PPP2R1B: variants seen among roughly 807,000 people sequenced by gnomAD.
The protein encoded by PPP2R1B is serine/threonine-protein phosphatase 2A 65 kDa regulatory subunit A beta isoform.
A neutral mutation model predicts 72.7 loss-of-function variants in PPP2R1B; 58 were observed. The ratio of observed to expected loss-of-function variants is 0.80; its 90% CI spans 0.65 to 0.99. PPP2R1B has a LOEUF of 0.99. PPP2R1B is among the 50% of genes least tolerant of loss of function. The pLI is 0.00. For synonymous variants in PPP2R1B, 256 were observed against 264.6 expected, an observed-to-expected ratio of 0.97 and a Z score of 0.32; for missense variants, 695 against 733.6, an observed-to-expected ratio of 0.95 and a Z score of 0.61.
chr11:111,721,465 A>C, the PPP2R1B span, among the ~76,000 whole-genome samples: 31 of 152,230 alleles, frequency 2.0e-4, no homozygotes, highest in African/African-American at 7.5e-4. Flanking sequence ...TAAATACTAC[A>C]AGTGGATTAT....
chr11:111,761,145 T>C, intron 3 of PPP2R1B, 94 bp from the exon 4 acceptor site: 7 of 1,041,496 alleles, frequency 6.7e-6, no homozygotes, highest in Non-Finnish European at 1.0e-5. Context: ...AGGGAGGTGG[T>C]ACACGTAACC....
Position 111,743,810 on chromosome 11 carries a change from CT to C in PPP2R1B, c.1400-281del, listed in dbSNP as rs550066795. On this transcript the variant is annotated intron_variant, in intron 11 of 14. Transcript: ENST00000527614. Reference sequence around the variant, plus strand: ...TGCTACAAAAAGAACACAGAAGATACTTTCCCTCACAAGAAATATGCTCTTA... The same window carrying C: ...TGCTACAAAAAGAACACAGAAGATACTTCCCTCACAAGAAATATGCTCTTA... 7.9e-5 allele frequency among the ~76,000 whole-genome samples: 12 copies of C among 152,346 alleles called. No individual in the cohort carries two copies. In the South Asian group the frequency reaches 2.3e-3, roughly 29 times the overall value.
At chr11:111,724,452 A>G (rs1268773786), downstream of PPP2R1B, 1 of 330,136 alleles carries the variant, frequency 3.0e-6, no homozygotes. Context: ...GTTATGCAGG[A>G]TTACATCCGT....
At chr11:111,765,834 G>A (rs565685686) in intron 1 of PPP2R1B, 3 of 476,248 alleles carry the variant, frequency 6.3e-6, no homozygotes, top group African/African-American at 3.9e-5. Flanking sequence ...GAGATGAAGG[G>A]ATCCAGGGGC....
intron 5 of PPP2R1B, among the ~76,000 whole-genome samples, 199 bp downstream of exon 5, chr11:111,759,605 G>T (rs919172566): frequency 6.6e-6 from 1 of 152,148 alleles, no homozygotes; most frequent in Non-Finnish European, 1.5e-5. Flanking sequence ...AGCTGCTAAT[G>T]TAAGAGAGAA....
At chr11:111,755,889 G>A (rs1464266347) in intron 5 of PPP2R1B, among the ~76,000 whole-genome samples, 11 of 152,122 alleles carry the variant, frequency 7.2e-5, no homozygotes, top group Admixed American at 5.9e-4. Context: ...GAGCCACTGC[G>A]CCTGGCCGTG....
chr11:111,739,943 C>T lies in PPP2R1B; in HGVS notation c.*1653G>A. The stretch of plus-strand genomic sequence containing the variant: ...ATGCAGACAGATAACCTCTGATTTA[C>T]AATTTCTATTTTTCGAATGTAGGAC... On this transcript the variant is annotated 3_prime_UTR_variant, in exon 15 of 15. Transcript: ENST00000527614. 1 of 979,698 alleles carries T rather than the reference C, an allele frequency of 1.0e-6. No individual in the cohort carries two copies. The highest frequency in any genetic ancestry group is 1.2e-6 in the Non-Finnish European group (1 of 824,752). 60.7% of individuals were successfully genotyped at this position (979,698 alleles called of 1,614,324 possible).
At chr11:111,688,251 A>G in the PPP2R1B span, 6 of 1,331,020 alleles carry the variant, frequency 4.5e-6, no homozygotes, top group South Asian at 3.8e-5. This position sits in a 1 kb window ranked among gnomAD's most constrained non-coding sequence, Gnocchi z 4.2. Context: ...CAGATTCAGC[A>G]GCATTTCTAC....
chr11:111,725,610 T>G (rs750305256), downstream of PPP2R1B: 3 of 152,690 alleles, frequency 2.0e-5, no homozygotes, highest in Non-Finnish European at 2.9e-5. Context: ...AGCAGATGAA[T>G]GTGTTAAGCA....
chr11:111,721,859 C>T, the PPP2R1B span: 1 of 1,612,116 alleles, frequency 6.2e-7, no homozygotes, highest in African/African-American at 1.3e-5. Context: ...AGGAAAGCGT[C>T]TCCACTCTCC....
At chr11:111,756,606 A>C (rs906996420) in intron 5 of PPP2R1B, among the ~76,000 whole-genome samples, 4 of 152,212 alleles carry the variant, frequency 2.6e-5, no homozygotes, top group Admixed American at 2.6e-4. Flanking sequence ...CTTGGAAAGA[A>C]ATACACAGAA....
Position 111,742,224 on chromosome 11 carries a change from A to G in PPP2R1B, c.1698-80T>C, listed in dbSNP as rs1054716151. 1.8e-5 allele frequency: 19 copies of G among 1,071,688 alleles called. No individual in the cohort carries two copies. The African/African-American group carries it at 3.1e-4, about 17-fold the overall frequency. The allele number at this position is 1,071,688 out of a possible 1,614,324, so 66.4% of individuals were successfully genotyped here. ...TTTTTGGTGTATATGGTTAATGGTA[A>G]TTGTTAAAATTTAAAGTAAAAAAAT... On this transcript the variant is annotated intron_variant, in intron 13 of 14. Coordinates refer to ENST00000527614, the MANE Select transcript of PPP2R1B (RefSeq NM_002716.5).
chr11:111,704,707 A>C, the PPP2R1B span, among the ~76,000 whole-genome samples: 1 of 152,186 alleles, frequency 6.6e-6, no homozygotes, highest in African/African-American at 2.4e-5. Context: ...TGAGACAATG[A>C]TGGCATTTTC....
chr11:111,748,249 G>C (rs1310252354), intron 10 of PPP2R1B, among the ~76,000 whole-genome samples: 1 of 152,200 alleles, frequency 6.6e-6, no homozygotes, highest in Non-Finnish European at 1.5e-5. Context: ...AGGTAAAAGA[G>C]AACAGGGTGG....
chr11:111,737,717 C>A, downstream of PPP2R1B: 4 of 1,432,582 alleles, frequency 2.8e-6, no homozygotes, highest in Non-Finnish European at 3.7e-6. Flanking sequence ...GGGCACTGGG[C>A]AGAGAAAGCT....
rs1555053139 is a variant in PPP2R1B, at chr11:111,766,287, G to A, written c.75C>T (p.Ile25=). The change falls in exon 1 of 15, where the codon ATC becomes ATT. Residue 25 remains isoleucine, a synonymous_variant. Coordinates refer to ENST00000527614, the MANE Select transcript of PPP2R1B (RefSeq NM_002716.5). ...TGCGGAGCTCGTCGATTAAAACCGC[G>A]ATCGGGTATAGCGAATCATCTCCAT... ...GGDGDDSLYP[I]AVLIDELRNE... 4 of 1,602,244 alleles carry A rather than the reference G, an allele frequency of 2.5e-6. No individual in the cohort carries two copies. Among genetic ancestry groups the A allele is most frequent in the Non-Finnish European group, 3.4e-6 (4 of 1,175,166 alleles).
the PPP2R1B span, among the ~76,000 whole-genome samples, chr11:111,691,100 G>T: frequency 6.6e-6 from 1 of 152,156 alleles, no homozygotes; most frequent in Non-Finnish European, 1.5e-5. Context: ...ACCAAGTTTT[G>T]CCTGGCTATA....
chr11:111,688,668 G>A, the PPP2R1B span, among the ~76,000 whole-genome samples: 4 of 152,190 alleles, frequency 2.6e-5, no homozygotes, highest in Non-Finnish European at 1.5e-5. This position sits in a 1 kb window ranked among gnomAD's most constrained non-coding sequence, Gnocchi z 4.2. Flanking sequence ...GTTGGGTAGA[G>A]ATTAGTTTGC....
At chr11:111,717,615 T>G in the PPP2R1B span, among the ~76,000 whole-genome samples, 1 of 152,118 alleles carries the variant, frequency 6.6e-6, no homozygotes, top group Non-Finnish European at 1.5e-5. Flanking sequence ...GGAATGTAAA[T>G]CATTCTATTA....
Sources: gnomAD v4.1 joint callset for allele counts (sites outside exome capture counted in the v4.1 genomes callset) on GRCh38, gnomAD v4.1.1 for gene constraint, Gnocchi (gnomAD v3.1) non-coding constraint, MANE v1.5 for transcripts, NCBI Gene and HGNC (gene_info 2026-07-23, HGNC 2026-07-21) for gene names.